The following USP34 variants were observed in gnomAD, a reference collection of about 807,000 sequenced individuals.
USP34 encodes ubiquitin specific peptidase 34.
Under a neutral mutation model 460.3 loss-of-function variants are expected in USP34, and 70 were observed. That is an observed-to-expected ratio of 0.15 (90% CI 0.13 to 0.19). The LOEUF is 0.19. USP34 is among the 10% of genes least tolerant of loss of function. The pLI is 1.00. For synonymous variants in USP34, 1,647 were observed against 1,405.3 expected (o/e 1.17, Z -3.85); for missense variants, 3,985 against 4,236.2 (o/e 0.94, Z 1.65).
chr2:61,399,897 A>G (rs934011525), intron 3 of USP34, among the ~76,000 whole-genome samples: 37 of 148,060 alleles, frequency 2.5e-4, no homozygotes, highest in Non-Finnish European at 7.5e-5. Flanking sequence ...AAAAAGCTGT[A>G]TTAACAGTAT....
intron 1 of USP34, among the ~76,000 whole-genome samples, chr2:61,464,114 T>C (rs1012632734): frequency 1.3e-5 from 2 of 152,180 alleles, no homozygotes; most frequent in Non-Finnish European, 2.9e-5. Context: ...ACATCATTAG[T>C]TCAAGACCAG....
chr2:61,381,441 T>TG (rs1692972430), intron 6 of USP34, among the ~76,000 whole-genome samples: 1 of 152,114 alleles, frequency 6.6e-6, no homozygotes, highest in Non-Finnish European at 1.5e-5. Context: ...TGGGCTCAAG[T>TG]GATCCTTCCA....
intron 30 of USP34, among the ~76,000 whole-genome samples, chr2:61,296,340 G>C (rs1264335995): frequency 6.6e-6 from 1 of 152,076 alleles, no homozygotes; most frequent in Non-Finnish European, 1.5e-5. Flanking sequence ...CACATGTGAG[G>C]TGGTGTCCAT....
intron 48 of USP34, among the ~76,000 whole-genome samples, chr2:61,249,378 G>T (rs1688510859): frequency 6.6e-6 from 1 of 152,216 alleles, no homozygotes. Context: ...TGGACAAAGG[G>T]ATGGTTTACA....
At chr2:61,280,458 G>T (rs2103955351) in intron 38 of USP34, 110 bp from the exon 39 acceptor site, 2 of 476,328 alleles carry the variant, frequency 4.2e-6, no homozygotes, top group Non-Finnish European at 6.9e-6. Context: ...CCACTAAACA[G>T]TATTCAAAAT....
At chr2:61,232,417 T>C (rs779549184) in intron 58 of USP34, 35 bp downstream of exon 58, 1 of 1,505,474 alleles carries the variant, frequency 6.6e-7, no homozygotes, top group East Asian at 2.3e-5. Flanking sequence ...TAACTTCTTT[T>C]CCAAATAATT....
chr2:61,322,826 C>G (rs992478752), intron 21 of USP34, among the ~76,000 whole-genome samples: 1 of 152,054 alleles, frequency 6.6e-6, no homozygotes, highest in African/African-American at 2.4e-5. Flanking sequence ...TAGTATATAT[C>G]AGAACTTAAA....
chr2:61,341,282 C>A (rs1209274158), intron 16 of USP34, among the ~76,000 whole-genome samples: 2 of 152,178 alleles, frequency 1.3e-5, no homozygotes, highest in Non-Finnish European at 2.9e-5. Flanking sequence ...TTTTCACAGA[C>A]ATGTTTTCAC....
At chr2:61,216,040 A>T (rs573551208) in intron 67 of USP34, among the ~76,000 whole-genome samples, 1 of 152,300 alleles carries the variant, frequency 6.6e-6, no homozygotes, top group African/African-American at 2.4e-5. Flanking sequence ...CTATAACTTG[A>T]TAATTTCCAT....
intron 25 of USP34, among the ~76,000 whole-genome samples, chr2:61,313,038 C>T (rs535676578): frequency 6.6e-6 from 1 of 152,050 alleles, no homozygotes; most frequent in East Asian, 1.9e-4. Flanking sequence ...GCACTAAGCA[C>T]ATCAAGAACA....
At position 61,259,749 on chromosome 2, in the gene USP34, T is replaced by C; in HGVS notation, c.5806A>G (p.Thr1936Ala). 2 of 1,613,112 alleles carry C rather than the reference T, an allele frequency of 1.2e-6. No homozygotes were observed. Among genetic ancestry groups the C allele is most frequent in the Non-Finnish European group, 1.7e-6 (2 of 1,179,872 alleles). Residue 1936 changes from threonine to alanine, a missense_variant, in exon 44 of 80, where the codon ACT (threonine) becomes GCT (alanine). Transcript: ENST00000398571. ...KYSEDMKHKT[T>A]LLELQKMFTY... ...AACATTTTCTGAAGCTCCAGAAGAG[T>C]GGTCTTGTGCTTCATATCCTCTGAA...
At chr2:61,392,859 A>G (rs1217884142) in intron 5 of USP34, among the ~76,000 whole-genome samples, 1 of 152,184 alleles carries the variant, frequency 6.6e-6, no homozygotes, top group Admixed American at 6.5e-5. Flanking sequence ...TGTGAAATAA[A>G]AATGTTATCC....
chr2:61,383,533 T>C (rs1693040654), intron 5 of USP34, among the ~76,000 whole-genome samples, 197 bp from the exon 6 acceptor site: 1 of 151,980 alleles, frequency 6.6e-6, no homozygotes, highest in Non-Finnish European at 1.5e-5. Flanking sequence ...TAAAACCCCG[T>C]ATCTACTAAA....
intron 1 of USP34, among the ~76,000 whole-genome samples, chr2:61,447,288 A>G (rs1204595597): frequency 1.3e-5 from 2 of 151,152 alleles, no homozygotes; most frequent in African/African-American, 4.9e-5. Flanking sequence ...AAAAACCAGA[A>G]AACATATATA....
chr2:61,275,223 G>A (rs1029013900), intron 41 of USP34, among the ~76,000 whole-genome samples: 1 of 152,132 alleles, frequency 6.6e-6, no homozygotes, highest in Non-Finnish European at 1.5e-5. Context: ...AGGTTGCAGT[G>A]AGCTGAGATC....
At chr2:61,323,766 T>C (rs1254915715) in intron 21 of USP34, among the ~76,000 whole-genome samples, 1 of 152,234 alleles carries the variant, frequency 6.6e-6, no homozygotes, top group Non-Finnish European at 1.5e-5. Context: ...CTATGTTGAC[T>C]ATATGTGTTT....
intron 1 of USP34, among the ~76,000 whole-genome samples, chr2:61,449,204 C>T (rs186168606): frequency 6.7e-6 from 1 of 150,214 alleles, no homozygotes; most frequent in African/African-American, 2.5e-5. Flanking sequence ...ACCTGGAAGG[C>T]AGAAGTCATG....
At chr2:61,272,428 A>AT (rs1352597576) in intron 41 of USP34, among the ~76,000 whole-genome samples, 1 of 151,810 alleles carries the variant, frequency 6.6e-6, no homozygotes, top group Non-Finnish European at 1.5e-5. Context: ...AAAAAAAAAA[A>AT]AAATTAGGAG....
rs767119345 is a variant in USP34, at chr2:61,317,791, C to T, written c.3169-24G>A. On this transcript the variant is annotated intron_variant, in intron 22 of 79. Transcript: ENST00000398571. Reference sequence around the variant, plus strand: ...ATCTTTGGAAGGGTAGGGGGAAACACAAAGCTAATTTAGTGTGGTAATTCA... The same window carrying T: ...ATCTTTGGAAGGGTAGGGGGAAACATAAAGCTAATTTAGTGTGGTAATTCA... 3.2e-6 allele frequency: 5 copies of T among 1,567,062 alleles called. No individual in the cohort carries two copies. In the African/African-American group the frequency reaches 4.1e-5, roughly 13 times the overall value.
Sources: gnomAD v4.1 joint callset for allele counts (sites outside exome capture counted in the v4.1 genomes callset) on GRCh38, gnomAD v4.1.1 for gene constraint, MANE v1.5 for transcripts, NCBI Gene and HGNC (gene_info 2026-07-23, HGNC 2026-07-21) for gene names.